Variants in HECTD4 observed in about 807,000 individuals in gnomAD.
The protein encoded by HECTD4 is HECT domain E3 ubiquitin protein ligase 4, also known as probable E3 ubiquitin-protein ligase HECTD4.
HECTD4 carries 114 observed loss-of-function variants against 471.5 expected under a neutral mutation model. The ratio of observed to expected loss-of-function variants is 0.24; its 90% CI spans 0.21 to 0.28. The LOEUF (loss-of-function observed/expected upper bound fraction) is 0.28. Among genes scored for constraint, HECTD4 ranks in the 10% least tolerant of loss-of-function variants. HECTD4 has a pLI of 1.00. For synonymous variants in HECTD4, 2,012 were observed against 2,256.0 expected, an observed-to-expected ratio of 0.89 and a Z score of 3.07; for missense variants, 3,866 against 5,651.5, an observed-to-expected ratio of 0.68 and a Z score of 10.13.
At chr12:112,203,604 T>C in intron 54 of HECTD4, 32 bp downstream of exon 54, 1 of 1,588,538 alleles carries the variant, frequency 6.3e-7, no homozygotes, top group Non-Finnish European at 8.6e-7. Flanking sequence ...ATATATAAAA[T>C]AGCTTATTAA....
At chr12:112,303,387 G>T (rs1450271420) in intron 7 of HECTD4, among the ~76,000 whole-genome samples, 1 of 152,154 alleles carries the variant, frequency 6.6e-6, no homozygotes, top group Non-Finnish European at 1.5e-5. Context: ...TCTCCACACG[G>T]AAGTATGAGA....
rs2137028962 is a variant in HECTD4 at position 112,185,282 on chromosome 12, C to G, written c.9684G>C (p.Gln3228His). The change falls in exon 61 of 76, where the codon CAG (glutamine) becomes CAC (histidine). Residue 3228 changes from glutamine (Q) to histidine (H), a missense_variant. Gln to His is a conservative substitution (Grantham distance 24, BLOSUM62 0). Transcript: ENST00000682272. ...CGCAGGCGCCGCCTGAGACCCAGTT[C>G]TGCGTCTCCTCGTCGTACAGCTTGT... is the stretch of plus-strand genomic sequence containing the variant. ...ELHKLYDEET[Q>H]NWVSGGACGG... The G allele has an allele frequency of 1.3e-6, 2 of 1,552,854 alleles. No homozygotes were observed. The highest frequency in any genetic ancestry group is 1.7e-6 in the Non-Finnish European group (2 of 1,147,946).
Position 112,170,409 on chromosome 12 carries a change from C to T in HECTD4, c.11976G>A (p.Val3992=), listed in dbSNP as rs747711213. The change falls in exon 69 of 76, where the codon GTG becomes GTA. Residue 3992 remains valine, a synonymous_variant. Transcript: ENST00000682272. ...CTGTCCTCTGCACAGTGGCATTCAG[C>T]ACTCGATTCATCACGGTCACCTTCG... ...YDTKVTVMNR[V]LNATVQRTAD... is the part of the protein sequence containing the mutation. 6.2e-7 allele frequency: 1 copy of T among 1,613,894 alleles called. No homozygotes were observed. The highest frequency in any genetic ancestry group is 1.3e-5 in the African/African-American group (1 of 74,944).
chr12:112,228,782 A>C lies in HECTD4; in HGVS notation c.6549T>G (p.Ile2183Met). ...QVLGRGISGS[I>M]GVVASINEQE... ...GTTCATTGATAGAAGCCACTACTCC[A>C]ATGCTTCCTGAAATTCCTCTACCTA... Residue 2183 changes from isoleucine (I) to methionine (M), a missense_variant, in exon 42 of 76, where the codon ATT becomes ATG. Coordinates refer to ENST00000682272, the MANE Select transcript of HECTD4 (RefSeq NM_001388303.1). The surrounding 1 kb of genome is among the most constrained non-coding windows in gnomAD (Gnocchi z 4.9). 1.2e-6 allele frequency: 2 copies of C among 1,613,830 alleles called. No individual in the cohort carries two copies. Among genetic ancestry groups the C allele is most frequent in the East Asian group, 4.5e-5 (2 of 44,868 alleles).
intron 48 of HECTD4, among the ~76,000 whole-genome samples, chr12:112,215,490 T>C (rs1198413511): frequency 6.6e-6 from 1 of 152,174 alleles, no homozygotes; most frequent in Non-Finnish European, 1.5e-5. Flanking sequence ...TCAACTACTA[T>C]ACAGATCTAG....
intron 1 of HECTD4, among the ~76,000 whole-genome samples, chr12:112,347,973 C>A (rs2036187217): frequency 6.6e-6 from 1 of 152,228 alleles, no homozygotes; most frequent in African/African-American, 2.4e-5. Context: ...CTGCCTCTAT[C>A]TTTGCCCCAG....
At chr12:112,323,823 A>G (rs2035634191) in intron 1 of HECTD4, among the ~76,000 whole-genome samples, 1 of 151,890 alleles carries the variant, frequency 6.6e-6, no homozygotes, top group Non-Finnish European at 1.5e-5. Context: ...AACTTTAAAG[A>G]TTAAATAAAA....
At chr12:112,331,071 GGTTT>G (rs1378267185) in intron 1 of HECTD4, among the ~76,000 whole-genome samples, 1 of 151,826 alleles carries the variant, frequency 6.6e-6, no homozygotes, top group Non-Finnish European at 1.5e-5. Flanking sequence ...GGTGTGTTTT[GGTTT>G]GTTTTGTTTT....
chr12:112,241,107 T>A (rs973112183), intron 32 of HECTD4, among the ~76,000 whole-genome samples: 3 of 152,182 alleles, frequency 2.0e-5, no homozygotes, highest in Non-Finnish European at 2.9e-5. Flanking sequence ...GACACTAAAG[T>A]GTTAACAGAA....
At position 112,239,830 on chromosome 12, in the gene HECTD4, G is replaced by A. The variant is rs1337474470; in HGVS notation, c.5105+51C>T. Reference sequence around the variant, plus strand: ...AAATTAAAAATACTTTCACTTAATCGACTATACTGCAGGGTAACTTACATA... The same window carrying A: ...AAATTAAAAATACTTTCACTTAATCAACTATACTGCAGGGTAACTTACATA... On this transcript the variant is annotated intron_variant, in intron 33 of 75. Coordinates refer to ENST00000682272, the MANE Select transcript of HECTD4 (RefSeq NM_001388303.1). The surrounding 1 kb of genome is among the most constrained non-coding windows in gnomAD (Gnocchi z 4.9). The A allele has an allele frequency of 2.7e-6, 4 of 1,469,764 alleles. No individual in the cohort carries two copies. Among genetic ancestry groups the A allele is most frequent in the South Asian group, 1.4e-5 (1 of 69,696 alleles). The allele number at this position is 1,469,764 out of a possible 1,614,324, so 91.0% of individuals were successfully genotyped here.
chr12:112,162,259 A>C lies in HECTD4; in HGVS notation c.*128T>G. On this transcript the variant is annotated 3_prime_UTR_variant, in exon 76 of 76. Transcript: ENST00000682272. This position sits in a 1 kb window ranked among gnomAD's most constrained non-coding sequence, Gnocchi z 5.2. Reference sequence around the variant, plus strand: ...TCCAGGAGGCCCTGGAATGTGGACGAAAGTTTGGAAAAGCAAAATGTTGCC... The same window carrying C: ...TCCAGGAGGCCCTGGAATGTGGACGCAAGTTTGGAAAAGCAAAATGTTGCC... 9.3e-7 allele frequency: 1 copy of C among 1,070,846 alleles called. No homozygotes were observed. Among genetic ancestry groups the C allele is most frequent in the Non-Finnish European group, 1.4e-6 (1 of 727,650 alleles). The allele number at this position is 1,070,846 out of a possible 1,614,324, so 66.3% of individuals were successfully genotyped here.
At position 112,381,284 on chromosome 12, in the gene HECTD4, C is replaced by T. The variant is rs2036882167; in HGVS notation, c.177+668G>A. 1.3e-5 allele frequency among the ~76,000 whole-genome samples: 2 copies of T among 152,200 alleles called. No individual in the cohort carries two copies. The highest frequency in any genetic ancestry group is 6.5e-5 in the Admixed American group (1 of 15,284). ...GCGACCCCCGGGGCACACAAAAAGG[C>T]CCTGCGGCCTAACGCGCCAGTGACC... is the stretch of plus-strand genomic sequence containing the variant. On this transcript the variant is annotated intron_variant, in intron 1 of 75. Transcript: ENST00000682272. The surrounding 1 kb of genome is among the most constrained non-coding windows in gnomAD (Gnocchi z 4.1).
intron 1 of HECTD4, among the ~76,000 whole-genome samples, chr12:112,334,906 G>T (rs150380790): frequency 3.1e-4 from 47 of 152,182 alleles, no homozygotes; most frequent in African/African-American, 1.1e-3. Context: ...TTGCTGGTGG[G>T]AATGTAAACT....
intron 1 of HECTD4, among the ~76,000 whole-genome samples, chr12:112,345,073 G>A (rs2036123639): frequency 6.6e-6 from 1 of 152,112 alleles, no homozygotes; most frequent in Non-Finnish European, 1.5e-5. Context: ...GACTAGTATA[G>A]TAAGACTCCA....
chr12:112,176,874 T>G (rs2031469292), intron 64 of HECTD4, among the ~76,000 whole-genome samples, 172 bp from the exon 65 acceptor site: 1 of 152,238 alleles, frequency 6.6e-6, no homozygotes, highest in African/African-American at 2.4e-5. Flanking sequence ...AAAAGTTCAC[T>G]GAGCAAATTA....
At chr12:112,345,054 G>C (rs7978824) in intron 1 of HECTD4, among the ~76,000 whole-genome samples, 6,178 of 152,232 alleles carry the variant, frequency 0.041, 270 homozygotes, top group African/African-American at 0.11. Context: ...AGGAGTTCAA[G>C]ACCAGCCTGA....
At chr12:112,344,210 T>G (rs2036103524) in intron 1 of HECTD4, among the ~76,000 whole-genome samples, 1 of 152,238 alleles carries the variant, frequency 6.6e-6, no homozygotes, top group South Asian at 2.1e-4. Flanking sequence ...AAGGGACAAC[T>G]TTTAGAATTT....
At chr12:112,217,318 TACACACACACACACACATAC>T (rs2032948679) in intron 45 of HECTD4, 123 bp from the exon 46 acceptor site, 9 of 470,444 alleles carry the variant, frequency 1.9e-5, no homozygotes, top group South Asian at 1.6e-4. Context: ...CACACACACA[TACACACACACACACACATAC>T]ACACACACAC....
chr12:112,336,221 G>A (rs924139641), intron 1 of HECTD4, among the ~76,000 whole-genome samples: 5 of 152,274 alleles, frequency 3.3e-5, no homozygotes, highest in African/African-American at 1.2e-4. Context: ...TGGCGGGAAA[G>A]AATTATAGTT....
Sources: allele counts gnomAD v4.1 joint callset (sites outside exome capture counted in the v4.1 genomes callset), GRCh38; gene constraint gnomAD v4.1.1; non-coding constraint Gnocchi (gnomAD v3.1); transcripts MANE v1.5; gene names NCBI Gene and HGNC (gene_info 2026-07-23, HGNC 2026-07-21).